CDH4: variants seen among roughly 807,000 people sequenced by gnomAD.
CDH4 encodes cadherin-4.
A neutral mutation model predicts 86.0 loss-of-function variants in CDH4; 33 were observed. That is an observed-to-expected ratio of 0.38 (90% CI 0.29 to 0.51). CDH4 has a LOEUF of 0.51. Ranked by LOEUF, CDH4 falls within the 20% of genes least tolerant of loss-of-function variation. CDH4 has a pLI of 0.86. For missense variants in CDH4, 1,114 were observed against 1,307.4 expected (o/e 0.85, Z 2.28); for synonymous variants, 555 against 549.4 (o/e 1.01, Z -0.14).
chr20:61,863,860 C>T (rs1983432657), intron 6 of CDH4, among the ~76,000 whole-genome samples: 2 of 152,078 alleles, frequency 1.3e-5, no homozygotes, highest in South Asian at 2.1e-4. Flanking sequence ...GAGGCTCCTG[C>T]GGATGGAAAG....
intron 2 of CDH4, among the ~76,000 whole-genome samples, chr20:61,387,391 T>C (rs771398826): frequency 2.9e-4 from 41 of 140,556 alleles, no homozygotes; most frequent in Non-Finnish European, 6.2e-4. Flanking sequence ...AACATACACA[T>C]ACATATACAC....
intron 7 of CDH4, among the ~76,000 whole-genome samples, chr20:61,878,357 G>A (rs988871880): frequency 6.6e-6 from 1 of 152,200 alleles, no homozygotes; most frequent in South Asian, 2.1e-4. Flanking sequence ...CCCAGGCGTG[G>A]CCTGCAGCTG....
At chr20:61,538,268 T>A (rs1202518459) in intron 2 of CDH4, among the ~76,000 whole-genome samples, 1 of 152,162 alleles carries the variant, frequency 6.6e-6, no homozygotes, top group Non-Finnish European at 1.5e-5. Flanking sequence ...GCAGTGTCCT[T>A]TATCCCTCCA....
intron 11 of CDH4, 79 bp downstream of exon 11, chr20:61,924,555 C>T: frequency 6.7e-7 from 1 of 1,495,000 alleles, no homozygotes; most frequent in Non-Finnish European, 9.0e-7. Context: ...AGGGTGCTGG[C>T]CAGGGAGACC....
chr20:61,473,986 G>A (rs1004140634), intron 2 of CDH4, among the ~76,000 whole-genome samples: 4 of 152,008 alleles, frequency 2.6e-5, no homozygotes, highest in African/African-American at 9.7e-5. Context: ...CTTCTTACTT[G>A]ATTCTACTGT....
intron 2 of CDH4, among the ~76,000 whole-genome samples, chr20:61,304,781 GT>G: frequency 6.6e-6 from 1 of 151,964 alleles, no homozygotes; most frequent in African/African-American, 2.4e-5. Flanking sequence ...GGGGTTGTGT[GT>G]GTGTGTGCAA....
At chr20:61,818,941 C>T (rs1032903003) in intron 4 of CDH4, among the ~76,000 whole-genome samples, 2 of 152,210 alleles carry the variant, frequency 1.3e-5, no homozygotes, top group Non-Finnish European at 2.9e-5. Flanking sequence ...GCTTATCCTG[C>T]GTCCCAGCCT....
chr20:61,900,309 T>C (rs1438678479), intron 8 of CDH4, among the ~76,000 whole-genome samples: 2 of 151,500 alleles, frequency 1.3e-5, no homozygotes, highest in Non-Finnish European at 2.9e-5. Context: ...GTGCCCTTAA[T>C]TACGCTTGGG....
At position 61,393,957 on chromosome 20, in the gene CDH4, C is replaced by G. The variant is rs1218570113; in HGVS notation, c.169+139020C>G. ...ATGACTGCCCCATATTCTATTATAC[C>G]AATGTAATCTAATAACATTGCTCTA... On this transcript the variant is annotated intron_variant, in intron 2 of 15. Transcript: ENST00000614565. This position sits in a 1 kb window ranked among gnomAD's most constrained non-coding sequence, Gnocchi z 4.3. 6.6e-6 allele frequency among the ~76,000 whole-genome samples: 1 copy of G among 152,068 alleles called. No individual in the cohort carries two copies. Among genetic ancestry groups the G allele is most frequent in the Non-Finnish European group, 1.5e-5 (1 of 68,024 alleles).
At position 61,374,470 on chromosome 20, in the gene CDH4, G is replaced by C. The variant is rs182400694; in HGVS notation, c.169+119533G>C. Among the ~76,000 whole-genome samples, 186 of 152,314 alleles carry C rather than the reference G, an allele frequency of 1.2e-3. 1 individual carries two copies. Among genetic ancestry groups the C allele is most frequent in the Admixed American group, 0.01 (154 of 15,296 alleles). ...AGACTGCCCGATCTCGGGTCCTGGT[G>C]CTCCACTCACTTTCCCTGTGGCCTC... On this transcript the variant is annotated intron_variant, in intron 2 of 15. Transcript: ENST00000614565.
At chr20:61,276,894 T>A (rs988018495) in intron 2 of CDH4, among the ~76,000 whole-genome samples, 1 of 152,194 alleles carries the variant, frequency 6.6e-6, no homozygotes, top group East Asian at 1.9e-4. Flanking sequence ...GTTGTAGTCA[T>A]CTTTGTCCCA....
At chr20:61,856,592 CTAGAAT>C in intron 6 of CDH4, among the ~76,000 whole-genome samples, 1 of 150,998 alleles carries the variant, frequency 6.6e-6, no homozygotes, top group South Asian at 2.1e-4. Context: ...CCCCAGCCCC[CTAGAAT>C]CCATGAGGGT....
rs138857247 is a variant in CDH4 at position 61,826,965 on chromosome 20, G to GTGTATA, written c.577-17700_577-17699insATATGT. Among the ~76,000 whole-genome samples the GTGTATA allele has an allele frequency of 2.6e-4, 3 of 11,404 alleles. No individual in the cohort carries two copies. The Admixed American group carries it at 5.2e-3, about 20-fold the overall frequency. The allele number at this position is 11,404 out of a possible 152,430, so 7.5% of individuals were successfully genotyped here. A position where few individuals can be genotyped will look rare whatever the true frequency, so the allele number is the denominator to read the frequency against. On this transcript the variant is annotated intron_variant, in intron 4 of 15. Coordinates refer to ENST00000614565, the MANE Select transcript of CDH4 (RefSeq NM_001794.5). ...TATTACCATTTAAGAAGGGAAAAGT[G>GTGTATA]TGTGTGTGTGTGTGTGTGTGTGTGT...
intron 2 of CDH4, among the ~76,000 whole-genome samples, chr20:61,560,763 A>G (rs2086210840): frequency 6.6e-6 from 1 of 152,218 alleles, no homozygotes; most frequent in Non-Finnish European, 1.5e-5. Flanking sequence ...GCAGTGCCCC[A>G]GAAGGAGCCC....
chr20:61,695,172 A>T (rs2087703238), intron 2 of CDH4, among the ~76,000 whole-genome samples: 1 of 152,240 alleles, frequency 6.6e-6, no homozygotes, highest in Admixed American at 6.5e-5. Context: ...ATACCTACTT[A>T]GAGTAATTAG....
chr20:61,832,904 C>T (rs184398149), intron 4 of CDH4, among the ~76,000 whole-genome samples: 88 of 152,236 alleles, frequency 5.8e-4, no homozygotes, highest in African/African-American at 2.0e-3. Context: ...GATGCTATTA[C>T]TAGTACTGTC....
chr20:61,630,848 G>A (rs1383470440), intron 2 of CDH4, among the ~76,000 whole-genome samples: 1 of 152,210 alleles, frequency 6.6e-6, no homozygotes. Context: ...CCCTTCAGTT[G>A]CTGGGGCTGG....
chr20:61,572,433 G>T (rs2086348548), intron 2 of CDH4, among the ~76,000 whole-genome samples: 1 of 152,234 alleles, frequency 6.6e-6, no homozygotes, highest in Non-Finnish European at 1.5e-5. Flanking sequence ...AAGAAGGGCT[G>T]GCCTGGGGTG....
At chr20:61,286,847 C>T (rs1480328615) in intron 2 of CDH4, among the ~76,000 whole-genome samples, 1 of 152,210 alleles carries the variant, frequency 6.6e-6, no homozygotes, top group Non-Finnish European at 1.5e-5. Flanking sequence ...GTTTGTTGGT[C>T]TCTGTGTGAC....
Sources: allele counts gnomAD v4.1 joint callset (sites outside exome capture counted in the v4.1 genomes callset), GRCh38; gene constraint gnomAD v4.1.1; non-coding constraint Gnocchi (gnomAD v3.1); transcripts MANE v1.5; gene names NCBI Gene and HGNC (gene_info 2026-07-23, HGNC 2026-07-21).